Variants in JAK1 observed in about 807,000 individuals in gnomAD.
The protein encoded by JAK1 is Janus kinase 1, also known as tyrosine-protein kinase JAK1.
Under a neutral mutation model 136.6 loss-of-function variants are expected in JAK1, and 16 were observed. The ratio of observed to expected loss-of-function variants is 0.12; its 90% CI spans 0.08 to 0.18. The LOEUF is 0.18. Among genes scored for constraint, JAK1 ranks in the 10% least tolerant of loss-of-function variants. The probability of loss-of-function intolerance (pLI) is 1.00; values close to 1 mark genes in which losing one functional copy is unlikely to be tolerated. For missense variants in JAK1, 859 were observed against 1,450.1 expected, an observed-to-expected ratio of 0.59 and a Z score of 6.62; for synonymous variants, 492 against 519.5, an observed-to-expected ratio of 0.95 and a Z score of 0.72.
intron 1 of JAK1, among the ~76,000 whole-genome samples, chr1:64,927,624 T>C (rs1645604203): frequency 1.3e-5 from 2 of 152,184 alleles, no homozygotes; most frequent in Non-Finnish European, 1.5e-5. Flanking sequence ...ATGAATGAAC[T>C]ATAGAATCCT....
At chr1:65,017,304 A>G (rs1013139352) in intron 2 of JAK1, among the ~76,000 whole-genome samples, 3 of 152,168 alleles carry the variant, frequency 2.0e-5, no homozygotes, top group Middle Eastern at 3.4e-3. Flanking sequence ...CCCTGTCTCT[A>G]CTAAAAATAT....
At chr1:64,861,599 C>A (rs1383393716) in intron 8 of JAK1, among the ~76,000 whole-genome samples, 1 of 152,036 alleles carries the variant, frequency 6.6e-6, no homozygotes, top group Non-Finnish European at 1.5e-5. Context: ...CAAAAAAGGG[C>A]AAAATGACTC....
At chr1:64,850,950 G>C (rs778686107) in intron 11 of JAK1, 40 bp from the exon 12 acceptor site, 1 of 1,403,318 alleles carries the variant, frequency 7.1e-7, no homozygotes, top group Non-Finnish European at 1.0e-6. Context: ...CAGCACCCAA[G>C]ATCCGAGCTC....
In JAK1 at chr1:65,019,070, G is replaced by T. The variant is rs748899997; in HGVS notation, c.-78+25410C>A. ...AAACAAAAATCTCGAACAATCCTAT[G>T]ATCATTAAATAAGTTGAATCGTTTA... is the stretch of plus-strand genomic sequence containing the variant. On this transcript the variant is annotated intron_variant, in intron 2 of 25. Coordinates refer to the JAK1 transcript ENST00000671954. Among the ~76,000 whole-genome samples, 3 of 152,008 alleles carry T rather than the reference G, an allele frequency of 2.0e-5. No homozygotes were observed. In the South Asian group the frequency reaches 6.2e-4, roughly 32 times the overall value.
chr1:64,999,056 A>G (rs1470244179), intron 2 of JAK1, among the ~76,000 whole-genome samples: 3 of 152,136 alleles, frequency 2.0e-5, no homozygotes, highest in Admixed American at 2.0e-4. Context: ...TTTCCCTTGT[A>G]AATCTTCCTA....
chr1:65,014,097 C>A (rs899005422), intron 2 of JAK1, among the ~76,000 whole-genome samples: 1 of 151,870 alleles, frequency 6.6e-6, no homozygotes, highest in African/African-American at 2.4e-5. Context: ...GGTTGGGTCA[C>A]AAGATTTTAC....
chr1:65,059,921 G>A lies in JAK1; in HGVS notation c.-181+7683C>T, dbSNP rs569887936. Among the ~76,000 whole-genome samples the A allele has an allele frequency of 1.4e-4, 21 of 152,206 alleles. No individual in the cohort carries two copies. In the South Asian group the frequency reaches 4.4e-3, roughly 32 times the overall value. ...GATCAGCAGAAGTCAGAAAATAAAAGTACAGTGAATCTAACTCAACTATTA... is the reference window on the plus strand; with the variant it reads ...GATCAGCAGAAGTCAGAAAATAAAAATACAGTGAATCTAACTCAACTATTA... On this transcript the variant is annotated intron_variant, in intron 1 of 25. Coordinates refer to the JAK1 transcript ENST00000671954.
At chr1:64,884,722 T>A (rs2101284280) in intron 2 of JAK1, among the ~76,000 whole-genome samples, 1 of 152,308 alleles carries the variant, frequency 6.6e-6, no homozygotes, top group Middle Eastern at 3.4e-3. Flanking sequence ...CAACTTTCTT[T>A]AGAATTCAGC....
At chr1:64,873,695 C>T (rs541934706) in intron 4 of JAK1, among the ~76,000 whole-genome samples, 172 bp from the exon 5 acceptor site, 1 of 152,160 alleles carries the variant, frequency 6.6e-6, no homozygotes, top group Non-Finnish European at 1.5e-5. Flanking sequence ...ACTAGCGCTG[C>T]GTGAGAAGTG....
intron 2 of JAK1, among the ~76,000 whole-genome samples, chr1:65,032,637 G>A (rs1647033929): frequency 6.6e-6 from 1 of 152,174 alleles, no homozygotes; most frequent in Non-Finnish European, 1.5e-5. Context: ...CGTGAATCCT[G>A]AGGGACAGCA....
chr1:65,008,254 G>A (rs772894689), intron 2 of JAK1, among the ~76,000 whole-genome samples: 2 of 152,098 alleles, frequency 1.3e-5, no homozygotes, highest in Non-Finnish European at 2.9e-5. Flanking sequence ...AGAAAAGCCC[G>A]GGCAAAAGCC....
intron 1 of JAK1, among the ~76,000 whole-genome samples, chr1:64,941,264 C>T (rs1447570283): frequency 6.6e-6 from 1 of 152,060 alleles, no homozygotes; most frequent in Non-Finnish European, 1.5e-5. Context: ...TGATTAATCC[C>T]TAATGGTTCA....
At chr1:64,994,974 A>AAAAACAAAAAAAAC (rs1553179506) in intron 2 of JAK1, 66 of 151,636 alleles carry the variant, frequency 4.4e-4, no homozygotes, top group African/African-American at 1.5e-3. Context: ...AAAAAAAAAA[A>AAAAACAAAAAAAAC]AAAAAAACCT....
chr1:65,059,901 G>T (rs1647716366), intron 1 of JAK1, among the ~76,000 whole-genome samples: 2 of 152,074 alleles, frequency 1.3e-5, no homozygotes, highest in South Asian at 4.1e-4. Context: ...CTTTAGATCA[G>T]CAGAAGTCAG....
chr1:65,027,296 G>A (rs1051370801), intron 2 of JAK1, among the ~76,000 whole-genome samples: 1 of 151,846 alleles, frequency 6.6e-6, no homozygotes, highest in South Asian at 2.1e-4. Flanking sequence ...CAAGTGATCC[G>A]CCCATCTCAG....
intron 1 of JAK1, among the ~76,000 whole-genome samples, chr1:64,908,980 G>C (rs1402240744): frequency 5.3e-5 from 8 of 151,996 alleles, no homozygotes; most frequent in Admixed American, 4.6e-4. Context: ...TGGTTGCTGA[G>C]TGAAAGAATG....
At chr1:65,011,299 G>A (rs1646846806) in intron 2 of JAK1, among the ~76,000 whole-genome samples, 1 of 152,048 alleles carries the variant, frequency 6.6e-6, no homozygotes, top group East Asian at 1.9e-4. Context: ...AACATCATGA[G>A]ACTTCATCTC....
upstream of JAK1, among the ~76,000 whole-genome samples, chr1:64,970,158 G>A (rs1023458739): frequency 7.1e-5 from 2 of 28,094 alleles, no homozygotes; most frequent in African/African-American, 1.2e-4. Flanking sequence ...AAAAAAAACG[G>A]CCGGGCACAG....
At chr1:64,859,132 C>A (rs1022625864) in intron 9 of JAK1, among the ~76,000 whole-genome samples, 1 of 152,218 alleles carries the variant, frequency 6.6e-6, no homozygotes, top group African/African-American at 2.4e-5. Flanking sequence ...TACCTGTCCA[C>A]AAGGCAGCCG....
Sources: allele counts gnomAD v4.1 joint callset (sites outside exome capture counted in the v4.1 genomes callset), GRCh38; gene constraint gnomAD v4.1.1; transcripts MANE v1.5; gene names NCBI Gene and HGNC (gene_info 2026-07-23, HGNC 2026-07-21).